COL22A1: variants seen among roughly 807,000 people sequenced by gnomAD.
COL22A1 encodes collagen alpha-1(XXII) chain.
In COL22A1, 221 loss-of-function variants were observed where a neutral mutation model predicts 248.9. The observed-to-expected ratio is 0.89, with a 90% CI of 0.80 to 0.99. The LOEUF (loss-of-function observed/expected upper bound fraction) is 0.99. Among genes scored for constraint, COL22A1 ranks in the 50% least tolerant of loss-of-function variants. The pLI, the probability that COL22A1 is intolerant of heterozygous loss-of-function variation, is 0.00. For missense variants in COL22A1, 2,240 were observed against 2,179.0 expected (o/e 1.03, Z -0.56); for synonymous variants, 891 against 793.4 (o/e 1.12, Z -2.07).
chr8:138,664,181 C>T (rs760279183), intron 41 of COL22A1, among the ~76,000 whole-genome samples: 3 of 146,638 alleles, frequency 2.0e-5, no homozygotes, highest in Admixed American at 1.4e-4. Context: ...ATGCTCCCTT[C>T]TCCAACAAGG....
At chr8:138,798,427 GT>G (rs1159008337) in intron 11 of COL22A1, among the ~76,000 whole-genome samples, 1 of 151,626 alleles carries the variant, frequency 6.6e-6, no homozygotes, top group East Asian at 1.9e-4. Context: ...ATTTTTAACT[GT>G]ATATTTTGGA....
intron 30 of COL22A1, among the ~76,000 whole-genome samples, chr8:138,709,456 C>A (rs1337545408): frequency 3.9e-5 from 6 of 151,998 alleles, no homozygotes; most frequent in African/African-American, 1.5e-4. Context: ...TACTACGCAG[C>A]CATAAAAAGG....
chr8:138,665,598 A>T (rs1824434761), intron 41 of COL22A1, among the ~76,000 whole-genome samples: 1 of 152,202 alleles, frequency 6.6e-6, no homozygotes, highest in Non-Finnish European at 1.5e-5. Context: ...GCACCCAGAA[A>T]GAAAATCCCC....
chr8:138,621,408 T>C (rs1819791714), intron 52 of COL22A1, among the ~76,000 whole-genome samples: 1 of 152,202 alleles, frequency 6.6e-6, no homozygotes, highest in African/African-American at 2.4e-5. Flanking sequence ...CTTCTTTCTC[T>C]GTTCCATTCT....
In COL22A1 at chr8:138,833,092, T is replaced by A; in HGVS notation, c.792A>T (p.Gly264=). The change falls in exon 5 of 65, where the codon GGA becomes GGT. Residue 264 remains glycine (G), a synonymous_variant. Coordinates refer to ENST00000303045, the MANE Select transcript of COL22A1 (RefSeq NM_152888.3). ...CCATCCGTACATAGGAACTCTGAGCTCCATTCTCTCTCTTCCCCAAGATTT... is the reference window on the plus strand; with the variant it reads ...CCATCCGTACATAGGAACTCTGAGCACCATTCTCTCTCTTCCCCAAGATTT... ...VKEILGKREN[G]AQSSYVRMGS... The A allele has an allele frequency of 6.2e-7, 1 of 1,614,042 alleles. No individual in the cohort carries two copies. Among genetic ancestry groups the A allele is most frequent in the Non-Finnish European group, 8.5e-7 (1 of 1,179,890 alleles).
At chr8:138,643,062 C>T (rs937911685) in intron 47 of COL22A1, among the ~76,000 whole-genome samples, 1 of 150,984 alleles carries the variant, frequency 6.6e-6, no homozygotes, top group Non-Finnish European at 1.5e-5. Flanking sequence ...TCCCCCTCAG[C>T]AGAGGCTAAG....
chr8:138,845,796 G>C lies in COL22A1; in HGVS notation c.659-1638C>G, dbSNP rs182339687. Among the ~76,000 whole-genome samples the C allele has an allele frequency of 2.3e-3, 356 of 152,214 alleles. 6 individuals carry two copies. The South Asian group carries it at 0.032, about 14-fold the overall frequency. ...ATTATGCCCACAACAGCACTGAAAG[G>C]CTGTAAGGAGGTTCTGTATTCTCAT... On this transcript the variant is annotated intron_variant, in intron 3 of 64. Transcript: ENST00000303045.
intron 1 of COL22A1, among the ~76,000 whole-genome samples, chr8:138,885,731 T>A (rs978303812): frequency 6.6e-6 from 1 of 151,974 alleles, no homozygotes; most frequent in Non-Finnish European, 1.5e-5. Context: ...ACCCGGCTAG[T>A]TTTGGTTTTT....
chr8:138,769,740 T>TA (rs1419158676), intron 16 of COL22A1, among the ~76,000 whole-genome samples: 2 of 152,144 alleles, frequency 1.3e-5, no homozygotes, highest in Non-Finnish European at 2.9e-5. Flanking sequence ...AGTAAATACT[T>TA]ATCACAGTCA....
chr8:138,595,727 G>C lies in COL22A1; in HGVS notation c.4432+1177C>G, dbSNP rs114836039. ...AGGAAGGAGGGCCGTCTTGTTTATA[G>C]CTGTGTCCTTGCTCCCAGCACAGAC... On this transcript the variant is annotated intron_variant, in intron 62 of 64. Coordinates refer to ENST00000303045, the MANE Select transcript of COL22A1 (RefSeq NM_152888.3). 9.7e-3 allele frequency among the ~76,000 whole-genome samples: 1,474 copies of C among 152,084 alleles called. 31 individuals are homozygous for C. The highest frequency in any genetic ancestry group is 0.033 in the African/African-American group (1,374 of 41,356).
intron 35 of COL22A1, among the ~76,000 whole-genome samples, chr8:138,691,603 GCA>G (rs796484827): frequency 0.039 from 45 of 1,140 alleles, no homozygotes; most frequent in East Asian, 0.12. Context: ...AGGTGTGTGT[GCA>G]TGCATGTGTG....
At chr8:138,841,251 T>C (rs1367854047) in intron 4 of COL22A1, among the ~76,000 whole-genome samples, 1 of 152,216 alleles carries the variant, frequency 6.6e-6, no homozygotes, top group African/African-American at 2.4e-5. Context: ...TCCTCTACTC[T>C]TAAGACACAA....
chr8:138,726,503 A>G (rs1586583464), intron 23 of COL22A1, among the ~76,000 whole-genome samples: 1 of 143,646 alleles, frequency 7.0e-6, no homozygotes, highest in South Asian at 2.1e-4. Flanking sequence ...ATCTACAAAA[A>G]AAAAAAAAAA....
At chr8:138,876,879 C>G (rs1344354521) in intron 3 of COL22A1, among the ~76,000 whole-genome samples, 2 of 152,250 alleles carry the variant, frequency 1.3e-5, no homozygotes, top group African/African-American at 2.4e-5. Context: ...AAAGCCCAAC[C>G]CCTCCCGGGC....
rs1818553080 is a variant in COL22A1, at chr8:138,607,933, C to A, written c.4032+3G>T. The A allele has an allele frequency of 1.9e-6, 3 of 1,613,988 alleles. 1 individual carries two copies. In the South Asian group the frequency reaches 3.3e-5, roughly 18 times the overall value. Reference sequence around the variant, plus strand: ...CATCACATAGCAGCCAAAGAGAACTCACAGGGGTTCCTGAAGGGCCAGGCT... The same window carrying A: ...CATCACATAGCAGCCAAAGAGAACTAACAGGGGTTCCTGAAGGGCCAGGCT... On this transcript the variant is annotated splice_donor_region_variant and intron_variant, in intron 57 of 64. Transcript: ENST00000303045.
In COL22A1 at chr8:138,703,472, T is replaced by G. The variant is rs1564218801; in HGVS notation, c.2518-125A>C. On this transcript the variant is annotated intron_variant, in intron 30 of 64. Transcript: ENST00000303045. ...GGTGTTGTCTTCTGCAGGGTGCAGG[T>G]AGGTGCACCCTGCACCTACCTTGAT... 5 of 793,098 alleles carry G rather than the reference T, an allele frequency of 6.3e-6. No homozygotes were observed. The East Asian group carries it at 1.2e-4, about 20-fold the overall frequency. The allele number at this position is 793,098 out of a possible 1,614,324, so 49.1% of individuals were successfully genotyped here.
intron 45 of COL22A1, among the ~76,000 whole-genome samples, chr8:138,650,709 GATAGA>G (rs1822642364): frequency 1.4e-5 from 1 of 72,044 alleles, no homozygotes; most frequent in African/African-American, 3.8e-5. Context: ...TAGATAGATA[GATAGA>G]TAGACAGATA....
chr8:138,787,755 T>C (rs750074686), intron 12 of COL22A1, among the ~76,000 whole-genome samples: 6 of 152,114 alleles, frequency 3.9e-5, no homozygotes, highest in Non-Finnish European at 7.4e-5. Flanking sequence ...CTCTGACCTG[T>C]CTTCCACCCC....
chr8:138,607,152 G>A (rs897759480), intron 57 of COL22A1, among the ~76,000 whole-genome samples: 2 of 152,136 alleles, frequency 1.3e-5, no homozygotes, highest in Admixed American at 6.5e-5. Flanking sequence ...TTTTCCAGTT[G>A]GGAAAGTTCC....
Sources: allele counts gnomAD v4.1 joint callset (sites outside exome capture counted in the v4.1 genomes callset), GRCh38; gene constraint gnomAD v4.1.1; transcripts MANE v1.5; gene names NCBI Gene and HGNC (gene_info 2026-07-23, HGNC 2026-07-21).